Variants in IFT43 observed in about 807,000 individuals in gnomAD.
IFT43 encodes intraflagellar transport 43.
A neutral mutation model predicts 32.3 loss-of-function variants in IFT43; 33 were observed. The ratio of observed to expected loss-of-function variants is 1.02; its 90% CI spans 0.77 to 1.37. The LOEUF is 1.37. Among genes scored for constraint, IFT43 ranks in the 40% most tolerant of loss-of-function variants. The pLI is 0.00. For synonymous variants in IFT43, 93 were observed against 98.2 expected, an observed-to-expected ratio of 0.95 and a Z score of 0.31; for missense variants, 274 against 265.9, an observed-to-expected ratio of 1.03 and a Z score of -0.21.
chr14:76,016,533 A>G (rs140276226), intron 2 of IFT43, among the ~76,000 whole-genome samples: 129 of 152,254 alleles, frequency 8.5e-4, no homozygotes, highest in African/African-American at 3.0e-3. Flanking sequence ...TGCATTGGCT[A>G]TTCAGGCCCT....
chr14:76,017,669 C>T (rs1033740922), intron 2 of IFT43, among the ~76,000 whole-genome samples: 5 of 151,998 alleles, frequency 3.3e-5, no homozygotes, highest in Admixed American at 1.3e-4. Flanking sequence ...AATAGTAAAG[C>T]TATCTAGTCT....
chr14:76,002,558 A>T (rs2035908706), intron 2 of IFT43, among the ~76,000 whole-genome samples: 1 of 152,214 alleles, frequency 6.6e-6, no homozygotes, highest in Admixed American at 6.5e-5. Flanking sequence ...AGGGTCTGGG[A>T]ACCACAAGGC....
At chr14:76,074,412 T>A (rs2037376555) in intron 5 of IFT43, among the ~76,000 whole-genome samples, 1 of 152,174 alleles carries the variant, frequency 6.6e-6, no homozygotes, top group African/African-American at 2.4e-5. Flanking sequence ...CAGGACTCCG[T>A]TCTTCGTTTC....
chr14:76,073,471 T>C (rs1350203475), intron 5 of IFT43, among the ~76,000 whole-genome samples: 3 of 152,162 alleles, frequency 2.0e-5, no homozygotes, highest in Non-Finnish European at 4.4e-5. Flanking sequence ...GAAGAGGTAA[T>C]AGGGAATCCT....
At chr14:76,033,920 AG>A (rs1272023342) in intron 3 of IFT43, among the ~76,000 whole-genome samples, 1 of 152,130 alleles carries the variant, frequency 6.6e-6, no homozygotes, top group Non-Finnish European at 1.5e-5. Context: ...ATGGTCAGGG[AG>A]TGTCTTATAG....
At chr14:76,022,218 T>C in intron 2 of IFT43, 109 bp from the exon 3 acceptor site, 2 of 1,024,810 alleles carry the variant, frequency 2.0e-6, no homozygotes, top group Non-Finnish European at 3.0e-6. Flanking sequence ...ACCACTGCAC[T>C]CCAGCCTGGG....
intron 1 of IFT43, among the ~76,000 whole-genome samples, chr14:75,986,466 A>G (rs1038457314): frequency 8.7e-5 from 13 of 149,860 alleles, no homozygotes; most frequent in African/African-American, 3.0e-4. Context: ...AAAAAAACCT[A>G]AAAAACGATT....
intron 1 of IFT43, 140 bp from the exon 2 acceptor site, chr14:75,988,745 C>T (rs2035579426): frequency 8.2e-7 from 1 of 1,219,052 alleles, no homozygotes; most frequent in African/African-American, 1.5e-5. Flanking sequence ...GTCTGGATCT[C>T]CTGACCTTGT....
At chr14:76,076,922 G>A (rs2037423359) in intron 5 of IFT43, among the ~76,000 whole-genome samples, 1 of 151,924 alleles carries the variant, frequency 6.6e-6, no homozygotes, top group South Asian at 2.1e-4. Context: ...ATTTATTTCT[G>A]TGGTATCATC....
intron 3 of IFT43, among the ~76,000 whole-genome samples, chr14:76,048,276 C>T (rs1049599440): frequency 3.9e-4 from 60 of 152,240 alleles, no homozygotes; most frequent in African/African-American, 1.3e-3. Flanking sequence ...AGATGTTGAT[C>T]GTATGAAGCA....
intron 4 of IFT43, chr14:76,058,976 C>T (rs1166748889): frequency 7.0e-7 from 1 of 1,432,310 alleles, no homozygotes; most frequent in Non-Finnish European, 9.1e-7. Flanking sequence ...AGAAGCAATA[C>T]CAGCTTCTAA....
intron 7 of IFT43, 45 bp downstream of exon 7, chr14:76,082,737 G>T: frequency 7.4e-7 from 1 of 1,347,858 alleles, no homozygotes; most frequent in African/African-American, 1.4e-5. Context: ...TCCAAGCAAT[G>T]GGCTTCAATC....
chr14:76,060,092 G>A (rs1188462170), intron 5 of IFT43, among the ~76,000 whole-genome samples: 1 of 152,224 alleles, frequency 6.6e-6, no homozygotes, highest in African/African-American at 2.4e-5. Flanking sequence ...AACAAGGCAA[G>A]TAGCTGTGGC....
chr14:76,017,609 G>A (rs918841279), intron 2 of IFT43, among the ~76,000 whole-genome samples: 1 of 152,018 alleles, frequency 6.6e-6, no homozygotes, highest in Non-Finnish European at 1.5e-5. Flanking sequence ...CAATTTTTGG[G>A]AATAGACTGA....
intron 3 of IFT43, among the ~76,000 whole-genome samples, chr14:76,036,254 T>C (rs187704008): frequency 4.5e-4 from 68 of 152,296 alleles, no homozygotes; most frequent in Middle Eastern, 3.4e-3. Flanking sequence ...CTCAAAAATG[T>C]GTTTTATAGG....
At chr14:76,058,203 C>A in intron 3 of IFT43, 1 of 254,918 alleles carries the variant, frequency 3.9e-6, no homozygotes, top group Non-Finnish European at 7.6e-6. Context: ...GTTCCAAAGT[C>A]TGAAGCCTGA....
intron 3 of IFT43, among the ~76,000 whole-genome samples, chr14:76,052,654 A>C (rs896268285): frequency 6.6e-6 from 1 of 152,204 alleles, no homozygotes; most frequent in African/African-American, 2.4e-5. Context: ...CACACCGTCA[A>C]ATGTCAGTGT....
At chr14:76,005,325 G>C (rs12590673) in intron 2 of IFT43, among the ~76,000 whole-genome samples, 18,270 of 152,196 alleles carry the variant, frequency 0.12, 1,188 homozygotes, top group Middle Eastern at 0.18. Flanking sequence ...CTTTGTCCTA[G>C]AGCAAATCCC....
intron 3 of IFT43, among the ~76,000 whole-genome samples, chr14:76,029,036 A>C (rs1279499192): frequency 6.6e-6 from 1 of 152,204 alleles, no homozygotes; most frequent in Non-Finnish European, 1.5e-5. Context: ...TCTTTGAGAA[A>C]TCTCCAAACT....
Sources: allele counts gnomAD v4.1 joint callset (sites outside exome capture counted in the v4.1 genomes callset), GRCh38; gene constraint gnomAD v4.1.1; transcripts MANE v1.5; gene names NCBI Gene and HGNC (gene_info 2026-07-23, HGNC 2026-07-21).